ST7: variants seen among roughly 807,000 people sequenced by gnomAD.
The protein encoded by ST7 is suppression of tumorigenicity 7.
A neutral mutation model predicts 78.7 loss-of-function variants in ST7; 28 were observed. That is an observed-to-expected ratio of 0.36 (90% CI 0.26 to 0.49). ST7 has a LOEUF of 0.49. Ranked by LOEUF, ST7 falls within the 20% of genes least tolerant of loss-of-function variation. The probability of loss-of-function intolerance (pLI) is 0.99; values close to 1 mark genes in which losing one functional copy is unlikely to be tolerated. For missense variants in ST7, 418 were observed against 696.0 expected (o/e 0.60, Z 4.49); for synonymous variants, 247 against 249.6 (o/e 0.99, Z 0.10).
At chr7:117,008,346 C>T (rs1449857252) in intron 1 of ST7, among the ~76,000 whole-genome samples, 2 of 152,104 alleles carry the variant, frequency 1.3e-5, no homozygotes, top group African/African-American at 2.4e-5. Context: ...TCAAGAATTC[C>T]CTTTCAGCAA....
intron 10 of ST7, among the ~76,000 whole-genome samples, chr7:117,178,367 T>C (rs1808496980): frequency 6.6e-6 from 1 of 152,122 alleles, no homozygotes; most frequent in Non-Finnish European, 1.5e-5. Flanking sequence ...GCGAGATGAA[T>C]CAGTGCTCAG....
At chr7:117,005,837 G>T (rs1795133693) in intron 1 of ST7, among the ~76,000 whole-genome samples, 1 of 152,084 alleles carries the variant, frequency 6.6e-6, no homozygotes, top group African/African-American at 2.4e-5. Flanking sequence ...CTTTAATTAG[G>T]TATTTTAACA....
At chr7:117,222,999 C>T (rs748422208) in intron 15 of ST7, 3 of 1,553,224 alleles carry the variant, frequency 1.9e-6, no homozygotes, top group Non-Finnish European at 2.7e-6. Flanking sequence ...CCCCTCTTCC[C>T]CCACCACCAA....
chr7:117,145,785 A>G (rs1805734984), intron 9 of ST7, among the ~76,000 whole-genome samples: 1 of 152,190 alleles, frequency 6.6e-6, no homozygotes, highest in African/African-American at 2.4e-5. Flanking sequence ...AAAGCAAAAT[A>G]CAGATACCCT....
At chr7:117,174,562 A>C (rs1270433047) in intron 10 of ST7, among the ~76,000 whole-genome samples, 1 of 152,186 alleles carries the variant, frequency 6.6e-6, no homozygotes, top group Non-Finnish European at 1.5e-5. Context: ...AGTAAAGGAA[A>C]GCCAGGATAA....
intron 1 of ST7, among the ~76,000 whole-genome samples, chr7:117,073,317 A>T (rs1254034231): frequency 5.3e-5 from 8 of 152,328 alleles, no homozygotes; most frequent in Non-Finnish European, 1.0e-4. Flanking sequence ...GGAAAATTCA[A>T]ATCATAGTAT....
At chr7:117,167,292 A>C (rs1807641515) in intron 9 of ST7, among the ~76,000 whole-genome samples, 1 of 139,532 alleles carries the variant, frequency 7.2e-6, no homozygotes, top group Admixed American at 7.8e-5. Context: ...ATGATTCTTA[A>C]GGTGTATGTT....
intron 1 of ST7, among the ~76,000 whole-genome samples, chr7:116,962,304 A>G (rs988695405): frequency 2.0e-5 from 3 of 152,140 alleles, no homozygotes; most frequent in African/African-American, 7.2e-5. Context: ...TATACCTAGT[A>G]ATGGGATTGC....
chr7:117,039,580 CA>C (rs573637216), intron 1 of ST7, among the ~76,000 whole-genome samples: 3,276 of 81,088 alleles, frequency 0.04, 72 homozygotes, highest in African/African-American at 0.11. Context: ...TCTGTAAAAG[CA>C]AAAAAAAAAA....
intron 1 of ST7, among the ~76,000 whole-genome samples, chr7:117,011,967 A>G (rs565342488): frequency 4.1e-4 from 63 of 152,296 alleles, no homozygotes; most frequent in African/African-American, 1.4e-3. Context: ...GGCAAGTAGT[A>G]TCTACTGTGA....
chr7:117,030,697 T>A (rs1412373952), intron 1 of ST7, among the ~76,000 whole-genome samples: 1 of 152,108 alleles, frequency 6.6e-6, no homozygotes. Context: ...CAGATGCTGG[T>A]GAGGTTGCAG....
chr7:116,967,188 C>T (rs1793162932), intron 1 of ST7: 1 of 346,020 alleles, frequency 2.9e-6, no homozygotes, highest in Non-Finnish European at 6.4e-6. Flanking sequence ...CAATGTTCTC[C>T]TAGATGTGTA....
chr7:117,017,070 C>T (rs1388166237), intron 1 of ST7, among the ~76,000 whole-genome samples: 2 of 152,170 alleles, frequency 1.3e-5, no homozygotes, highest in African/African-American at 2.4e-5. Context: ...CTTCCTTCCA[C>T]GTGGTTTTCA....
chr7:116,993,451 G>GA (rs1436921659), intron 1 of ST7, among the ~76,000 whole-genome samples: 2 of 152,164 alleles, frequency 1.3e-5, no homozygotes, highest in African/African-American at 2.4e-5. Flanking sequence ...ACAGTATGGG[G>GA]AAAACGGCCC....
rs147387561 is a variant in ST7 at position 117,098,280 on chromosome 7, G to A, written c.152-1482G>A. 3.3e-3 allele frequency among the ~76,000 whole-genome samples: 494 copies of A among 151,706 alleles called. 10 individuals carry two copies. Among genetic ancestry groups the A allele is most frequent in the Non-Finnish European group, 1.1e-3 (72 of 67,944 alleles). On this transcript the variant is annotated intron_variant, in intron 1 of 15. Transcript: ENST00000323984. ...CTTGCATCTGCTTGGAAAGGCCCAT[G>A]CTGTCTCCTTGGCATCTTGAGGCAG...
At chr7:116,964,035 A>G (rs1792973890) in intron 1 of ST7, among the ~76,000 whole-genome samples, 1 of 152,204 alleles carries the variant, frequency 6.6e-6, no homozygotes, top group African/African-American at 2.4e-5. Context: ...AGGAAGGACT[A>G]TTTGTTTTAT....
Position 117,216,440 on chromosome 7 carries a change from C to A in ST7, c.1406-2644C>A, listed in dbSNP as rs1792696495. Among the ~76,000 whole-genome samples the A allele has an allele frequency of 1.3e-5, 2 of 152,168 alleles. 1 individual carries two copies. The highest frequency in any genetic ancestry group is 1.3e-4 in the Admixed American group (2 of 15,276). On this transcript the variant is annotated intron_variant, in intron 13 of 15. Transcript: ENST00000323984. The stretch of plus-strand genomic sequence containing the variant: ...AAGGATTTTTAGGTCTGTATTCATT[C>A]ATAAAATAGATCTGTTCAAATGACC...
intron 8 of ST7, among the ~76,000 whole-genome samples, chr7:117,138,157 A>G (rs1370565611): frequency 1.3e-5 from 2 of 152,194 alleles, no homozygotes; most frequent in South Asian, 2.1e-4. Flanking sequence ...TCCTGCTTGT[A>G]AACCGTATAC....
chr7:117,154,657 A>C (rs940596357), intron 9 of ST7, among the ~76,000 whole-genome samples: 2 of 152,216 alleles, frequency 1.3e-5, no homozygotes, highest in African/African-American at 4.8e-5. Context: ...AGAGAGGTAA[A>C]TCCTGGAGGT....
Sources: gnomAD v4.1 joint callset for allele counts (sites outside exome capture counted in the v4.1 genomes callset) on GRCh38, gnomAD v4.1.1 for gene constraint, MANE v1.5 for transcripts, NCBI Gene and HGNC (gene_info 2026-07-23, HGNC 2026-07-21) for gene names.